KIAA0825: variants seen among roughly 807,000 people sequenced by gnomAD.
KIAA0825 encodes the protein uncharacterized protein KIAA0825.
Under a neutral mutation model 147.6 loss-of-function variants are expected in KIAA0825, and 119 were observed. That is an observed-to-expected ratio of 0.81 (90% CI 0.69 to 0.94). KIAA0825 has a LOEUF of 0.94. KIAA0825 is among the 40% of genes least tolerant of loss of function. The pLI is 0.00. For synonymous variants in KIAA0825, 470 were observed against 518.1 expected, an observed-to-expected ratio of 0.91 and a Z score of 1.26; for missense variants, 1,381 against 1,472.7, an observed-to-expected ratio of 0.94 and a Z score of 1.02.
In KIAA0825 at chr5:94,154,062, T is replaced by C; in HGVS notation, c.3773A>G (p.Lys1258Arg). The C allele has an allele frequency of 6.4e-7, 1 of 1,551,732 alleles. No individual in the cohort carries two copies. Among genetic ancestry groups the C allele is most frequent in the South Asian group, 1.2e-5 (1 of 84,060 alleles). ...EEEKAILEHLKQICTPQNSSA... is the reference protein window; with the variant it reads ...EEEKAILEHLRQICTPQNSSA... ...AGAGTTCTGTGGGGTGCAAATTTGT[T>C]TTAAGTGCTCCAGTATTGCTTTTTC... Residue 1258 changes from lysine (K) to arginine (R), a missense_variant, in exon 21 of 21, where the codon AAA (lysine) becomes AGA (arginine). By Grantham distance (26) the Lys-to-Arg change is conservative. Transcript: ENST00000682413.
intron 3 of KIAA0825, among the ~76,000 whole-genome samples, 179 bp downstream of exon 3, chr5:94,536,817 C>G (rs1772119497): frequency 6.6e-6 from 1 of 152,014 alleles, no homozygotes; most frequent in Non-Finnish European, 1.5e-5. Flanking sequence ...AAAAATACTA[C>G]TCAGATAAAG....
intron 1 of KIAA0825, among the ~76,000 whole-genome samples, chr5:94,584,846 C>T (rs1782957310): frequency 1.3e-5 from 2 of 152,186 alleles, no homozygotes; most frequent in Non-Finnish European, 2.9e-5. Flanking sequence ...GATCTCTCTG[C>T]AGAAACCCTA....
At chr5:94,521,638 A>T (rs1295546094) in intron 4 of KIAA0825, among the ~76,000 whole-genome samples, 1 of 151,744 alleles carries the variant, frequency 6.6e-6, no homozygotes, top group Non-Finnish European at 1.5e-5. Flanking sequence ...GATGATATGA[A>T]ATTATTCCTT....
intron 20 of KIAA0825, among the ~76,000 whole-genome samples, chr5:94,362,050 C>A (rs938669890): frequency 5.3e-5 from 8 of 152,190 alleles, no homozygotes; most frequent in Non-Finnish European, 4.4e-5. Context: ...GTCTGAAGAG[C>A]CATCAATCAC....
intron 20 of KIAA0825, among the ~76,000 whole-genome samples, chr5:94,306,564 G>T (rs1778750268): frequency 6.6e-6 from 1 of 151,726 alleles, no homozygotes; most frequent in African/African-American, 2.4e-5. Flanking sequence ...GACCAGATAG[G>T]TAGGATGACA....
chr5:94,418,662 G>A (rs532661507), intron 14 of KIAA0825, among the ~76,000 whole-genome samples: 1 of 152,148 alleles, frequency 6.6e-6, no homozygotes, highest in African/African-American at 2.4e-5. Context: ...ACAAAGCAGT[G>A]TTCTCTTTCT....
chr5:94,434,466 T>C (rs1201135405), intron 14 of KIAA0825, among the ~76,000 whole-genome samples: 2 of 152,176 alleles, frequency 1.3e-5, no homozygotes, highest in African/African-American at 2.4e-5. Flanking sequence ...TTCTGAGAAA[T>C]AATTTCCACA....
At chr5:94,349,993 G>A (rs1783461497) in intron 20 of KIAA0825, among the ~76,000 whole-genome samples, 1 of 151,978 alleles carries the variant, frequency 6.6e-6, no homozygotes, top group African/African-American at 2.4e-5. Context: ...ACAAAAAGCT[G>A]GTTCTTTGAA....
chr5:94,589,983 A>G (rs571852680), intron 1 of KIAA0825, among the ~76,000 whole-genome samples: 78 of 152,094 alleles, frequency 5.1e-4, no homozygotes, highest in African/African-American at 1.6e-3. Flanking sequence ...GTAGACTCCA[A>G]TGGTTTCTTT....
intron 20 of KIAA0825, among the ~76,000 whole-genome samples, chr5:94,240,973 T>G (rs1217105774): frequency 2.0e-5 from 3 of 152,212 alleles, no homozygotes; most frequent in African/African-American, 4.8e-5. Context: ...GCCTGGTAAA[T>G]AAATGAATCC....
chr5:94,260,258 G>A (rs989339512), intron 20 of KIAA0825, among the ~76,000 whole-genome samples: 5 of 152,060 alleles, frequency 3.3e-5, no homozygotes, highest in Admixed American at 6.6e-5. Context: ...TCATAATGGC[G>A]CAATTTGGAA....
intron 3 of KIAA0825, among the ~76,000 whole-genome samples, chr5:94,532,751 T>A (rs1309328886): frequency 4.7e-5 from 7 of 149,866 alleles, no homozygotes; most frequent in African/African-American, 7.4e-5. Flanking sequence ...CCCAGGCTAG[T>A]TTTAAACTCC....
chr5:94,448,289 C>T (rs1757976796), intron 13 of KIAA0825, among the ~76,000 whole-genome samples: 1 of 151,664 alleles, frequency 6.6e-6, no homozygotes. Flanking sequence ...CTAAAATAAA[C>T]TCTTCTAAAC....
intron 2 of KIAA0825, among the ~76,000 whole-genome samples, chr5:94,548,566 CAAT>C (rs1307503492): frequency 2.0e-5 from 3 of 152,088 alleles, no homozygotes; most frequent in Non-Finnish European, 1.5e-5. Context: ...CCTTACTTAT[CAAT>C]AATAGCACTG....
At chr5:94,576,018 G>A (rs1158255612) in intron 2 of KIAA0825, among the ~76,000 whole-genome samples, 1 of 152,102 alleles carries the variant, frequency 6.6e-6, no homozygotes, top group Non-Finnish European at 1.5e-5. Flanking sequence ...GCAAATTAGT[G>A]TTAGACATAA....
intron 6 of KIAA0825, among the ~76,000 whole-genome samples, chr5:94,481,202 G>A (rs990876399): frequency 2.0e-5 from 3 of 152,118 alleles, no homozygotes; most frequent in Admixed American, 2.0e-4. Flanking sequence ...AACCTCAGAA[G>A]AGTGCAGAGG....
chr5:94,245,214 A>G (rs1482773354), intron 20 of KIAA0825, among the ~76,000 whole-genome samples: 2 of 152,206 alleles, frequency 1.3e-5, no homozygotes, highest in African/African-American at 4.8e-5. Context: ...ATGTATTTCA[A>G]GATAGTGAGG....
At chr5:94,213,893 G>T (rs1583870052) in intron 20 of KIAA0825, among the ~76,000 whole-genome samples, 1 of 152,146 alleles carries the variant, frequency 6.6e-6, no homozygotes, top group Admixed American at 6.6e-5. Flanking sequence ...TAACATGCTG[G>T]ACTGTAACTG....
intron 20 of KIAA0825, among the ~76,000 whole-genome samples, chr5:94,291,680 T>A (rs1777902070): frequency 6.6e-6 from 1 of 152,212 alleles, no homozygotes; most frequent in Non-Finnish European, 1.5e-5. Flanking sequence ...GGGGTAGCAT[T>A]GAATCTATAA....
Sources: gnomAD v4.1 joint callset for allele counts (sites outside exome capture counted in the v4.1 genomes callset) on GRCh38, gnomAD v4.1.1 for gene constraint, MANE v1.5 for transcripts, NCBI Gene and HGNC (gene_info 2026-07-23, HGNC 2026-07-21) for gene names.